ANK3: variants seen among roughly 807,000 people sequenced by gnomAD.
ANK3 encodes ankyrin-3.
ANK3 carries 57 observed loss-of-function variants against 370.9 expected under a neutral mutation model. The ratio of observed to expected loss-of-function variants is 0.15; its 90% CI spans 0.12 to 0.19. The LOEUF is 0.19. ANK3 is among the 10% of genes least tolerant of loss of function. The probability of loss-of-function intolerance (pLI) is 1.00; values close to 1 mark genes in which losing one functional copy is unlikely to be tolerated. For missense variants in ANK3, 4,439 were observed against 5,302.1 expected, an observed-to-expected ratio of 0.84 and a Z score of 5.06; for synonymous variants, 1,929 against 1,946.3, an observed-to-expected ratio of 0.99 and a Z score of 0.23.
chr10:60,178,508 T>C (rs1472641124), intron 18 of ANK3, among the ~76,000 whole-genome samples: 1 of 152,030 alleles, frequency 6.6e-6, no homozygotes, highest in African/African-American at 2.4e-5. Flanking sequence ...ATAGAGAAAA[T>C]GGGTAATACA....
chr10:60,162,441 T>C (rs2095522657), intron 23 of ANK3, among the ~76,000 whole-genome samples: 1 of 152,176 alleles, frequency 6.6e-6, no homozygotes, highest in East Asian at 1.9e-4. Context: ...ATGGCAGGAA[T>C]AGACTTACAA....
chr10:60,602,955 T>C (rs1331542533), intron 2 of ANK3, among the ~76,000 whole-genome samples: 7 of 152,110 alleles, frequency 4.6e-5, no homozygotes, highest in Non-Finnish European at 1.0e-4. Context: ...TTTTCCTTCT[T>C]ATAGGTTCAT....
intron 1 of ANK3, among the ~76,000 whole-genome samples, chr10:60,287,438 G>A (rs1038532186): frequency 7.9e-5 from 12 of 152,104 alleles, no homozygotes; most frequent in Non-Finnish European, 1.6e-4. Context: ...TTACTCTGCT[G>A]GAAGCACTGA....
At chr10:60,045,422 C>G (rs960849853) in intron 42 of ANK3, among the ~76,000 whole-genome samples, 1 of 152,142 alleles carries the variant, frequency 6.6e-6, no homozygotes, top group African/African-American at 2.4e-5. Context: ...AGTATCTCTC[C>G]ACTAGCTCTA....
intron 2 of ANK3, among the ~76,000 whole-genome samples, chr10:60,408,071 A>T (rs1221879995): frequency 6.6e-6 from 1 of 152,102 alleles, no homozygotes; most frequent in Non-Finnish European, 1.5e-5. Flanking sequence ...ATGTTTTCTC[A>T]TTTTCTTTCT....
chr10:60,710,274 C>T (rs1013792056), intron 1 of ANK3, among the ~76,000 whole-genome samples: 2 of 152,084 alleles, frequency 1.3e-5, no homozygotes, highest in Non-Finnish European at 2.9e-5. Flanking sequence ...ACAGTAGCAA[C>T]AGGAAATGAC....
At chr10:60,080,664 T>A in intron 35 of ANK3, 46 bp from the exon 36 acceptor site, 1 of 1,403,448 alleles carries the variant, frequency 7.1e-7, no homozygotes, top group Non-Finnish European at 9.7e-7. Flanking sequence ...AACTTCCCTG[T>A]GACATCTTCA....
At chr10:60,486,923 G>T (rs1422885452) in intron 2 of ANK3, among the ~76,000 whole-genome samples, 3 of 152,048 alleles carry the variant, frequency 2.0e-5, no homozygotes, top group African/African-American at 7.2e-5. Context: ...CTAAATTTTA[G>T]TCTGTTTTAT....
intron 2 of ANK3, among the ~76,000 whole-genome samples, chr10:60,519,508 T>A (rs1400364305): frequency 1.3e-5 from 2 of 152,186 alleles, no homozygotes; most frequent in Non-Finnish European, 2.9e-5. Flanking sequence ...GACACATTTA[T>A]CTTGCCCCAG....
At chr10:60,119,571 A>G (rs1212383044) in intron 25 of ANK3, among the ~76,000 whole-genome samples, 1 of 152,180 alleles carries the variant, frequency 6.6e-6, no homozygotes, top group Non-Finnish European at 1.5e-5. Context: ...GTTCAAGATC[A>G]GCCTGGCCAA....
intron 1 of ANK3, among the ~76,000 whole-genome samples, chr10:60,366,851 A>AT (rs1046907628): frequency 2.0e-5 from 3 of 152,068 alleles, no homozygotes; most frequent in Admixed American, 6.6e-5. Flanking sequence ...CAGAACTCTT[A>AT]TTTTTTCGGT....
chr10:60,566,606 C>T (rs190101003), intron 2 of ANK3, among the ~76,000 whole-genome samples: 1 of 152,310 alleles, frequency 6.6e-6, no homozygotes, highest in East Asian at 1.9e-4. Flanking sequence ...CATGGTGGAG[C>T]TCACACCTGT....
intron 2 of ANK3, among the ~76,000 whole-genome samples, chr10:60,411,539 G>A (rs1293268943): frequency 6.6e-6 from 1 of 152,166 alleles, no homozygotes; most frequent in Non-Finnish European, 1.5e-5. Flanking sequence ...CTGGAGGGGT[G>A]GAGGTGGGGA....
At chr10:60,226,815 TATTATA>T (rs1036880522) in intron 8 of ANK3, among the ~76,000 whole-genome samples, 4 of 148,518 alleles carry the variant, frequency 2.7e-5, no homozygotes, top group East Asian at 2.0e-4. Context: ...AATTCTGCCA[TATTATA>T]ATTATATTTA....
intron 8 of ANK3, among the ~76,000 whole-genome samples, chr10:60,219,213 T>C (rs1299915317): frequency 6.6e-6 from 1 of 152,078 alleles, no homozygotes; most frequent in Non-Finnish European, 1.5e-5. Flanking sequence ...CTTCTTTGTA[T>C]TGGTTTAGAA....
intron 1 of ANK3, among the ~76,000 whole-genome samples, chr10:60,305,867 G>T (rs987570804): frequency 6.6e-6 from 1 of 152,182 alleles, no homozygotes; most frequent in Non-Finnish European, 1.5e-5. Context: ...AGCCTGAGCT[G>T]GGACTCTGGT....
At chr10:60,129,029 G>A (rs909416094) in intron 25 of ANK3, among the ~76,000 whole-genome samples, 1 of 152,208 alleles carries the variant, frequency 6.6e-6, no homozygotes, top group Non-Finnish European at 1.5e-5. Flanking sequence ...CTTCAGTTTA[G>A]ACTCATCCCT....
At position 60,070,586 on chromosome 10, in the gene ANK3, G is replaced by C. The variant is rs2082501126; in HGVS notation, c.10295C>G (p.Ser3432Cys). 6.2e-7 allele frequency: 1 copy of C among 1,613,998 alleles called. No homozygotes were observed. Among genetic ancestry groups the C allele is most frequent in the Admixed American group, 1.7e-5 (1 of 59,992 alleles). Residue 3432 changes from serine to cysteine, a missense_variant, in exon 37 of 44, where the codon TCT (serine) becomes TGT (cysteine). This residue lies in a region of ANK3 where 1,601 missense variants were observed against 1,731.7 expected (regional missense o/e 0.92). Transcript: ENST00000280772. The surrounding 1 kb of genome is among the most constrained non-coding windows in gnomAD (Gnocchi z 5.7). ...DEDDGLTESDSKLPIQAMEIK... is the reference protein window; with the variant it reads ...DEDDGLTESDCKLPIQAMEIK... ...TTCCATGGCTTGAATTGGGAGTTTAGAATCACTCTCTGTCAAGCCATCATC... is the reference window on the plus strand; with the variant it reads ...TTCCATGGCTTGAATTGGGAGTTTACAATCACTCTCTGTCAAGCCATCATC...
At chr10:60,112,049 A>G (rs982729568) in intron 26 of ANK3, among the ~76,000 whole-genome samples, 4 of 152,228 alleles carry the variant, frequency 2.6e-5, no homozygotes, top group Non-Finnish European at 4.4e-5. Flanking sequence ...TTTCCTGCAC[A>G]TGTCTATTGT....
Sources: gnomAD v4.1 joint callset for allele counts (sites outside exome capture counted in the v4.1 genomes callset) on GRCh38, gnomAD v4.1.1 for gene constraint, gnomAD v4.1.1 regional missense constraint, Gnocchi (gnomAD v3.1) non-coding constraint, MANE v1.5 for transcripts, NCBI Gene and HGNC (gene_info 2026-07-23, HGNC 2026-07-21) for gene names.